Variants in AKT3 observed in about 807,000 individuals in gnomAD.
The protein encoded by AKT3 is RAC-gamma serine/threonine-protein kinase.
A neutral mutation model predicts 65.3 loss-of-function variants in AKT3; 15 were observed. The observed-to-expected ratio is 0.23, with a 90% CI of 0.15 to 0.35. The LOEUF is 0.35. Among genes scored for constraint, AKT3 ranks in the 10% least tolerant of loss-of-function variants. AKT3 has a pLI of 1.00. For missense variants in AKT3, 243 were observed against 576.5 expected (o/e 0.42, Z 5.92); for synonymous variants, 206 against 183.8 (o/e 1.12, Z -0.98).
chr1:243,699,170 A>G (rs1368365975), intron 2 of AKT3, among the ~76,000 whole-genome samples: 1 of 152,084 alleles, frequency 6.6e-6, no homozygotes, highest in Non-Finnish European at 1.5e-5. Context: ...CTAAAAGTCA[A>G]TCTTTTATTT....
chr1:243,488,981 C>A (rs1354346591), intron 13 of AKT3: 1 of 1,613,082 alleles, frequency 6.2e-7, no homozygotes, highest in Non-Finnish European at 8.5e-7. Context: ...CTGACGTTAT[C>A]CCTCTTTAAT....
At position 243,664,772 on chromosome 1, in the gene AKT3, C is replaced by T; in HGVS notation, c.284G>A (p.Arg95Lys). The T allele has an allele frequency of 6.8e-7, 1 of 1,460,192 alleles. No individual in the cohort carries two copies. Among genetic ancestry groups the T allele is most frequent in the Non-Finnish European group, 9.2e-7 (1 of 1,089,950 alleles). The allele number at this position is 1,460,192 out of a possible 1,614,324, so 90.5% of individuals were successfully genotyped here. The change falls in exon 4 of 14, where the codon AGG (arginine) becomes AAG (lysine). Residue 95 changes from arginine (R) to lysine (K), a missense_variant and splice_region_variant. Around this residue, in one of 6 missense-constraint regions of AKT3, gnomAD observed 72 missense variants for 86.0 expected, o/e 0.84. Transcript: ENST00000673466. ...AAATGAAAACAAGTGAATTTCTTAC[C>T]TTTCCTCTGGAGTATCTACATGAAA... ...RTFHVDTPEE[R>K]EEWTEAIQAV...
At chr1:243,512,542 G>A (rs904820391) in intron 12 of AKT3, 116 bp from the exon 13 acceptor site, 3 of 656,444 alleles carry the variant, frequency 4.6e-6, no homozygotes, top group African/African-American at 3.8e-5. Flanking sequence ...CTACAATGCT[G>A]AGTCGCTGGG....
chr1:243,664,075 A>G (rs1682588951), intron 4 of AKT3, among the ~76,000 whole-genome samples: 1 of 151,808 alleles, frequency 6.6e-6, no homozygotes, highest in African/African-American at 2.4e-5. Flanking sequence ...CAACTAATTT[A>G]GAATGGCATG....
At chr1:243,572,704 G>A (rs1674652869) in intron 9 of AKT3, among the ~76,000 whole-genome samples, 1 of 151,962 alleles carries the variant, frequency 6.6e-6, no homozygotes, top group South Asian at 2.1e-4. Flanking sequence ...CAAGCAGTCG[G>A]GCAGAAATTG....
At chr1:243,633,705 T>C (rs1238083764) in intron 6 of AKT3, among the ~76,000 whole-genome samples, 2 of 152,054 alleles carry the variant, frequency 1.3e-5, no homozygotes, top group African/African-American at 4.8e-5. Flanking sequence ...AAAGAAGGCA[T>C]TTATGTAGAA....
chr1:243,636,772 T>A (rs749838854), intron 6 of AKT3, among the ~76,000 whole-genome samples: 13 of 151,980 alleles, frequency 8.6e-5, no homozygotes, highest in Admixed American at 2.0e-4. Flanking sequence ...GACTATTAGG[T>A]GAGTAGTGAA....
rs533545769 is a variant in AKT3, at chr1:243,834,664, T to C, written c.46+8461A>G. ...ATTACCCGGATGACGAAATAATCTG[T>C]ATACCAAACCCCCTCAACACGCAAT... On this transcript the variant is annotated intron_variant, in intron 2 of 13. Transcript: ENST00000673466. Among the ~76,000 whole-genome samples, 4 of 151,890 alleles carry C rather than the reference T, an allele frequency of 2.6e-5. No individual in the cohort carries two copies. The East Asian group carries it at 7.7e-4, about 29-fold the overall frequency.
At chr1:243,748,552 A>AACAAT (rs1688615840) in intron 2 of AKT3, among the ~76,000 whole-genome samples, 1 of 152,212 alleles carries the variant, frequency 6.6e-6, no homozygotes, top group Non-Finnish European at 1.5e-5. Context: ...AAGTAAATAA[A>AACAAT]ACAATATAAA....
intron 2 of AKT3, among the ~76,000 whole-genome samples, chr1:243,741,012 T>TA (rs1323305928): frequency 1.3e-5 from 2 of 152,152 alleles, no homozygotes; most frequent in African/African-American, 4.8e-5. Context: ...AGCTATGAAA[T>TA]ACCTGGAAAT....
chr1:243,807,198 G>T (rs984670931), intron 2 of AKT3, among the ~76,000 whole-genome samples: 1 of 152,228 alleles, frequency 6.6e-6, no homozygotes, highest in Admixed American at 6.5e-5. Flanking sequence ...AGGACAGGGG[G>T]TGCAGTGCAC....
chr1:243,594,764 G>A (rs899819703), intron 8 of AKT3, among the ~76,000 whole-genome samples: 4 of 152,092 alleles, frequency 2.6e-5, no homozygotes, highest in Non-Finnish European at 5.9e-5. Context: ...TTATTTTGTA[G>A]AGACAGGGTC....
intron 2 of AKT3, among the ~76,000 whole-genome samples, chr1:243,780,929 G>A (rs889762963): frequency 6.6e-6 from 1 of 151,744 alleles, no homozygotes; most frequent in African/African-American, 2.4e-5. Flanking sequence ...ATAAACTTAT[G>A]CCTAGGGAAA....
At chr1:243,670,974 T>C (rs1219628325) in intron 3 of AKT3, among the ~76,000 whole-genome samples, 1 of 152,224 alleles carries the variant, frequency 6.6e-6, no homozygotes, top group Non-Finnish European at 1.5e-5. Flanking sequence ...GATTAAAATG[T>C]TTAAAGGTTT....
At chr1:243,775,250 G>A (rs1558799738) in intron 2 of AKT3, among the ~76,000 whole-genome samples, 3 of 151,896 alleles carry the variant, frequency 2.0e-5, no homozygotes, top group South Asian at 2.1e-4. Flanking sequence ...GCTCAATCTC[G>A]GCTCACTGCA....
At chr1:243,591,604 C>T (rs1355622660) in intron 8 of AKT3, among the ~76,000 whole-genome samples, 1 of 151,432 alleles carries the variant, frequency 6.6e-6, no homozygotes, top group Non-Finnish European at 1.5e-5. Context: ...GAAAATGACA[C>T]ATAAGATATA....
intron 2 of AKT3, among the ~76,000 whole-genome samples, chr1:243,755,829 G>A (rs1183783061): frequency 6.6e-6 from 1 of 152,196 alleles, no homozygotes; most frequent in East Asian, 1.9e-4. Flanking sequence ...GGTGGGATAT[G>A]GGAATCCCCA....
chr1:243,597,875 A>G (rs1380551018), intron 8 of AKT3, among the ~76,000 whole-genome samples: 3 of 152,256 alleles, frequency 2.0e-5, no homozygotes, highest in Non-Finnish European at 4.4e-5. Context: ...CCTTGAAGAA[A>G]GCAGCATTCA....
intron 8 of AKT3, among the ~76,000 whole-genome samples, chr1:243,585,954 A>G (rs1675768669): frequency 1.3e-5 from 2 of 152,152 alleles, no homozygotes. Flanking sequence ...AAACCTACAG[A>G]ATGGGATAAA....
Sources: gnomAD v4.1 joint callset for allele counts (sites outside exome capture counted in the v4.1 genomes callset) on GRCh38, gnomAD v4.1.1 for gene constraint, gnomAD v4.1.1 regional missense constraint, MANE v1.5 for transcripts, NCBI Gene and HGNC (gene_info 2026-07-23, HGNC 2026-07-21) for gene names.